The following ZNF565 variants were observed in gnomAD, a reference collection of about 807,000 sequenced individuals.
ZNF565 encodes the protein zinc finger protein 565.
Under a neutral mutation model 39.4 loss-of-function variants are expected in ZNF565, and 27 were observed. That is an observed-to-expected ratio of 0.69 (90% CI 0.51 to 0.95). The LOEUF is 0.95. ZNF565 is among the 40% of genes least tolerant of loss of function. The probability of loss-of-function intolerance (pLI) is 0.00; values close to 1 mark genes in which losing one functional copy is unlikely to be tolerated. For missense variants in ZNF565, 524 were observed against 621.1 expected, an observed-to-expected ratio of 0.84 and a Z score of 1.66; for synonymous variants, 185 against 216.6, an observed-to-expected ratio of 0.85 and a Z score of 1.28.
chr19:36,186,808 A>G lies in ZNF565; in HGVS notation c.233-3075T>C, dbSNP rs78007532. Among the ~76,000 whole-genome samples, 1,409 of 152,214 alleles carry G rather than the reference A, an allele frequency of 9.3e-3. 21 individuals carry two copies. Among genetic ancestry groups the G allele is most frequent in the African/African-American group, 0.031 (1,308 of 41,532 alleles). On this transcript the variant is annotated intron_variant, in intron 4 of 4. Coordinates refer to ENST00000304116, the MANE Select transcript of ZNF565 (RefSeq NM_152477.5). ...GTTTAAAAAAAAAAGACAAGACGGC[A>G]TTTGTCAGATTGGATAAAATACCAA...
intron 2 of ZNF565, among the ~76,000 whole-genome samples, chr19:36,195,913 G>A (rs1203730707): frequency 6.8e-6 from 1 of 147,452 alleles, no homozygotes; most frequent in African/African-American, 2.5e-5. Flanking sequence ...ATTTATCCAG[G>A]AAATATCTTA....
At chr19:36,228,019 G>C (rs929395835) in intron 1 of ZNF565, among the ~76,000 whole-genome samples, 1 of 152,036 alleles carries the variant, frequency 6.6e-6, no homozygotes, top group South Asian at 2.1e-4. Flanking sequence ...AATTAGCCAG[G>C]TGTGGTGGTA....
intron 1 of ZNF565, among the ~76,000 whole-genome samples, chr19:36,234,133 C>T (rs1182333160): frequency 3.9e-5 from 6 of 152,206 alleles, no homozygotes; most frequent in African/African-American, 9.6e-5. Flanking sequence ...AAAGCACATC[C>T]TGCACAGCCC....
At chr19:36,222,951 G>A (rs1263425576) in intron 1 of ZNF565, among the ~76,000 whole-genome samples, 1 of 151,472 alleles carries the variant, frequency 6.6e-6, no homozygotes, top group Non-Finnish European at 1.5e-5. Flanking sequence ...TGAGCACAGA[G>A]ACATCCCCGC....
At chr19:36,186,526 G>A (rs1181817142) in intron 4 of ZNF565, among the ~76,000 whole-genome samples, 1 of 152,136 alleles carries the variant, frequency 6.6e-6, no homozygotes, top group African/African-American at 2.4e-5. Flanking sequence ...GGTGGCTCAT[G>A]CCTGTAATCC....
Position 36,245,680 on chromosome 19 carries a change from G to A in ZNF565, c.-150C>T. ...CTGGTGCCCGGGTGAATGGGTTCAG[G>A]GTCTCTTAAGGACCCTCCGTTGACG... is the stretch of plus-strand genomic sequence containing the variant. On this transcript the variant is annotated 5_prime_UTR_variant, in exon 1 of 5. Transcript: ENST00000355114. The surrounding 1 kb of genome is among the most constrained non-coding windows in gnomAD (Gnocchi z 4.4). 1 of 655,972 alleles carries A rather than the reference G, an allele frequency of 1.5e-6. No individual in the cohort carries two copies. Among genetic ancestry groups the A allele is most frequent in the Non-Finnish European group, 2.8e-6 (1 of 362,076 alleles). The allele number at this position is 655,972 out of a possible 1,614,324, so 40.6% of individuals were successfully genotyped here. A position where few individuals can be genotyped will look rare whatever the true frequency, so the allele number is the denominator to read the frequency against.
chr19:36,187,935 G>T (rs1975369938), intron 4 of ZNF565, among the ~76,000 whole-genome samples: 2 of 151,934 alleles, frequency 1.3e-5, no homozygotes, highest in African/African-American at 2.4e-5. Context: ...ACCGCGCCTG[G>T]CCCAGCCTCC....
chr19:36,182,828 G>C lies in ZNF565; in HGVS notation c.1138C>G (p.Arg380Gly). 3.1e-6 allele frequency: 5 copies of C among 1,614,078 alleles called. No homozygotes were observed. The highest frequency in any genetic ancestry group is 4.2e-6 in the Non-Finnish European group (5 of 1,180,028). ...KAFRQHAQLT[R>G]HQRVHTGDRP... ...TCGCCAGTATGGACTCTCTGATGTC[G>C]TGTGAGCTGTGCGTGCTGTCTGAAG... Residue 380 changes from arginine to glycine, a missense_variant, in exon 5 of 5, where the codon CGA (arginine) becomes GGA (glycine). Physicochemically the swap from Arg to Gly is moderately radical, Grantham distance 125. Coordinates refer to ENST00000304116, the MANE Select transcript of ZNF565 (RefSeq NM_152477.5).
In ZNF565 at chr19:36,182,938, C is replaced by G. The variant is rs1975138421; in HGVS notation, c.1028G>C (p.Gly343Ala). 1 of 1,613,572 alleles carries G rather than the reference C, an allele frequency of 6.2e-7. No individual in the cohort carries two copies. Among genetic ancestry groups the G allele is most frequent in the Non-Finnish European group, 8.5e-7 (1 of 1,179,906 alleles). The change falls in exon 5 of 5, where the codon GGC becomes GCC. Residue 343 changes from glycine to alanine, a missense_variant. By Grantham distance (60) the Gly-to-Ala change is moderately conservative. Coordinates refer to ENST00000304116, the MANE Select transcript of ZNF565 (RefSeq NM_152477.5). ...AGTAACTTCTGAGCTGTGAATAAAG[C>G]CCTTTCCGCATTCCTTACACTCGTA... ...KPYECKECGK[G>A]FIHSSEVTRH...
chr19:36,193,441 C>CTTTT (rs918390781), intron 4 of ZNF565, among the ~76,000 whole-genome samples: 1 of 131,854 alleles, frequency 7.6e-6, no homozygotes, highest in Non-Finnish European at 1.6e-5. Flanking sequence ...TTTCTTTTTT[C>CTTTT]TTTTTTTTTT....
upstream of ZNF565, among the ~76,000 whole-genome samples, chr19:36,217,755 A>G (rs562970171): frequency 2.0e-5 from 3 of 151,968 alleles, no homozygotes; most frequent in Non-Finnish European, 4.4e-5. Context: ...GTGGCGGCAC[A>G]TGCCTGTTAA....
At chr19:36,196,618 C>T (rs929951598) in intron 2 of ZNF565, among the ~76,000 whole-genome samples, 14 of 152,120 alleles carry the variant, frequency 9.2e-5, no homozygotes, top group Admixed American at 5.2e-4. Flanking sequence ...CATAAATAAG[C>T]GAAATAGTGA....
intron 2 of ZNF565, among the ~76,000 whole-genome samples, chr19:36,195,813 G>A (rs763569809): frequency 8.0e-5 from 12 of 150,198 alleles, no homozygotes; most frequent in Non-Finnish European, 4.4e-5. Context: ...CAAAGTGCTG[G>A]GATTACATGC....
chr19:36,240,714 C>CA (rs1427464720), intron 1 of ZNF565, among the ~76,000 whole-genome samples: 1 of 151,942 alleles, frequency 6.6e-6, no homozygotes, highest in Non-Finnish European at 1.5e-5. Context: ...ACTAAAATTA[C>CA]AAAAATTAGC....
chr19:36,194,912 C>T (rs765882289), intron 3 of ZNF565, 118 bp downstream of exon 3: 20 of 1,485,470 alleles, frequency 1.3e-5, no homozygotes, highest in East Asian at 2.3e-5. Flanking sequence ...TAGTTTGTAG[C>T]GTCTCCTGTG....
chr19:36,242,544 T>C (rs1484743073), intron 1 of ZNF565, among the ~76,000 whole-genome samples: 2 of 151,984 alleles, frequency 1.3e-5, no homozygotes, highest in South Asian at 2.1e-4. Flanking sequence ...CTGGCCAACA[T>C]GGTGAAACCC....
intron 2 of ZNF565, among the ~76,000 whole-genome samples, chr19:36,196,198 G>A (rs577234237): frequency 2.0e-5 from 3 of 152,268 alleles, no homozygotes; most frequent in South Asian, 2.1e-4. Flanking sequence ...CCAAAGTGTT[G>A]GGATGACAGG....
intron 1 of ZNF565, among the ~76,000 whole-genome samples, chr19:36,235,400 T>A (rs1977609775): frequency 6.6e-6 from 1 of 152,148 alleles, no homozygotes; most frequent in Non-Finnish European, 1.5e-5. Context: ...AATGTTAATT[T>A]TCTACCTAGA....
intron 1 of ZNF565, among the ~76,000 whole-genome samples, chr19:36,208,480 G>A (rs566715077): frequency 6.6e-6 from 1 of 152,286 alleles, no homozygotes; most frequent in South Asian, 2.1e-4. Flanking sequence ...GATTGCAGGT[G>A]TGAGCCACTG....
Sources: gnomAD v4.1 joint callset for allele counts (sites outside exome capture counted in the v4.1 genomes callset) on GRCh38, gnomAD v4.1.1 for gene constraint, Gnocchi (gnomAD v3.1) non-coding constraint, MANE v1.5 for transcripts, NCBI Gene and HGNC (gene_info 2026-07-23, HGNC 2026-07-21) for gene names.